The following RSRC2 variants were observed in gnomAD, a reference collection of about 807,000 sequenced individuals.
RSRC2 encodes the protein arginine/serine-rich coiled-coil protein 2.
In RSRC2, 5 loss-of-function variants were observed where a neutral mutation model predicts 61.3. That is an observed-to-expected ratio of 0.08 (90% CI 0.04 to 0.17). The LOEUF (loss-of-function observed/expected upper bound fraction) is 0.17. Among genes scored for constraint, RSRC2 ranks in the 10% least tolerant of loss-of-function variants. The probability of loss-of-function intolerance (pLI) is 1.00; values close to 1 mark genes in which losing one functional copy is unlikely to be tolerated. For missense variants in RSRC2, 381 were observed against 518.8 expected (o/e 0.73, Z 2.58); for synonymous variants, 202 against 166.5 (o/e 1.21, Z -1.64).
At chr12:122,511,045 T>C (rs1007010008) in intron 7 of RSRC2, 64 bp downstream of exon 7, 2 of 1,249,620 alleles carry the variant, frequency 1.6e-6, no homozygotes, top group Non-Finnish European at 2.2e-6. Context: ...CAAATCCCTG[T>C]GAAAAACAAA....
chr12:122,521,452 T>C (rs771602389), intron 2 of RSRC2, 24 bp from the exon 3 acceptor site: 3 of 1,603,348 alleles, frequency 1.9e-6, no homozygotes, highest in East Asian at 4.5e-5. Context: ...AAAAAAATAA[T>C]CACCATAAAC....
intron 6 of RSRC2, 62 bp downstream of exon 6, chr12:122,515,043 C>T: frequency 6.5e-7 from 1 of 1,539,540 alleles, no homozygotes; most frequent in Non-Finnish European, 8.9e-7. Context: ...TTCATCTTAT[C>T]CACACAATTG....
At chr12:122,521,964 T>G (rs1036691110) in intron 2 of RSRC2, among the ~76,000 whole-genome samples, 179 bp downstream of exon 2, 4 of 152,152 alleles carry the variant, frequency 2.6e-5, no homozygotes, top group South Asian at 2.1e-4. Flanking sequence ...GTGTGTCAAT[T>G]TTTGTATTTT....
At position 122,508,392 on chromosome 12, in the gene RSRC2, T is replaced by C; in HGVS notation, c.861A>G (p.Thr287=). 8 of 1,614,226 alleles carry C rather than the reference T, an allele frequency of 5.0e-6. No homozygotes were observed. Among genetic ancestry groups the C allele is most frequent in the Non-Finnish European group, 6.8e-6 (8 of 1,180,040 alleles). Residue 287 remains threonine, a synonymous_variant, in exon 8 of 10, where the codon ACA becomes ACG. Coordinates refer to ENST00000331738, the MANE Select transcript of RSRC2 (RefSeq NM_023012.6). ...LNVAALLASG[T]QVTPQIAMAA... The stretch of plus-strand genomic sequence containing the variant: ...CCATGGCTATCTGAGGTGTTACTTG[T>C]GTTCCTGATGCCAACAGGGCAGCAA...
intron 6 of RSRC2, among the ~76,000 whole-genome samples, chr12:122,512,894 A>G (rs1185592668): frequency 6.6e-6 from 1 of 152,188 alleles, no homozygotes; most frequent in Non-Finnish European, 1.5e-5. Flanking sequence ...AGCAGTAACA[A>G]TAAAATGTAG....
chr12:122,511,103 A>C lies in RSRC2; in HGVS notation c.805+6T>G, dbSNP rs78055105. 4,204 of 1,589,992 alleles carry C rather than the reference A, an allele frequency of 2.6e-3. 84 individuals carry two copies. Among genetic ancestry groups the C allele is most frequent in the East Asian group, 0.02 (900 of 44,758 alleles). On this transcript the variant is annotated splice_donor_region_variant and intron_variant, in intron 7 of 9. Coordinates refer to ENST00000331738, the MANE Select transcript of RSRC2 (RefSeq NM_023012.6). ...GAGATGACTAAAAAAGAATGAAAAA[A>C]ATTACCTGCAGCTATTTCTTGTTGT... is the stretch of plus-strand genomic sequence containing the variant.
At chr12:122,526,671 A>C (rs1002597569) in intron 1 of RSRC2, among the ~76,000 whole-genome samples, 177 bp downstream of exon 1, 1 of 151,992 alleles carries the variant, frequency 6.6e-6, no homozygotes, top group African/African-American at 2.4e-5. Flanking sequence ...ACCCCCACCA[A>C]CACCGCCTTA....
intron 7 of RSRC2, among the ~76,000 whole-genome samples, chr12:122,508,837 T>C (rs1958290425): frequency 6.6e-6 from 1 of 151,720 alleles, no homozygotes; most frequent in African/African-American, 2.4e-5. Flanking sequence ...ATGCCCGTAA[T>C]CTCAGCTACT....
chr12:122,520,180 T>C (rs1959176723), intron 3 of RSRC2: 1 of 206,102 alleles, frequency 4.9e-6, no homozygotes, highest in South Asian at 6.3e-5. Context: ...CCAATCATTT[T>C]GGAACATGCA....
In RSRC2 at chr12:122,516,640, G is replaced by T. The variant is rs139798851; in HGVS notation, c.602+587C>A. On this transcript the variant is annotated intron_variant, in intron 5 of 9. Transcript: ENST00000331738. The stretch of plus-strand genomic sequence containing the variant: ...AGCATATGGTAAGTATGCAAAAGGA[G>T]ATTTTAGTTATTTGTGATAATAAAA... Among the ~76,000 whole-genome samples the T allele has an allele frequency of 2.8e-3, 424 of 152,298 alleles. 2 individuals carry two copies. Among genetic ancestry groups the T allele is most frequent in the Admixed American group, 8.4e-3 (129 of 15,294 alleles).
At position 122,505,570 on chromosome 12, in the gene RSRC2, C is replaced by A; in HGVS notation, c.1262G>T (p.Gly421Val). 1 of 1,614,066 alleles carries A rather than the reference C, an allele frequency of 6.2e-7. No homozygotes were observed. The highest frequency in any genetic ancestry group is 8.5e-7 in the Non-Finnish European group (1 of 1,179,992). Residue 421 changes from glycine to valine, a missense_variant, in exon 10 of 10, where the codon GGT becomes GTT. Gly to Val is a moderately radical substitution (Grantham distance 109, BLOSUM62 -3). Around this residue, in one of 4 missense-constraint regions of RSRC2, gnomAD observed 78 missense variants for 183.0 expected, o/e 0.43. Coordinates refer to ENST00000331738, the MANE Select transcript of RSRC2 (RefSeq NM_023012.6). ...RSQTHTQRGM[G>V]LGFTSSMRGM... ...TCGCATTGAAGATGTGAAACCCAAA[C>A]CCATTCCTCTTTGTGTGTGGGTTTG...
chr12:122,507,180 CTAG>C, intron 8 of RSRC2: 1 of 455,196 alleles, frequency 2.2e-6, no homozygotes, highest in South Asian at 2.1e-5. Context: ...GGGATCGAGA[CTAG>C]CCTGGATGAC....
intron 1 of RSRC2, chr12:122,523,466 A>G (rs955449958): frequency 2.0e-5 from 3 of 152,264 alleles, no homozygotes; most frequent in Non-Finnish European, 4.4e-5. Flanking sequence ...AAGTGAGCTA[A>G]GATTGCGCCA....
At chr12:122,522,946 AT>A (rs1959444240) in intron 1 of RSRC2, 1 of 152,204 alleles carries the variant, frequency 6.6e-6, no homozygotes, top group African/African-American at 2.4e-5. Flanking sequence ...AAAGCATTTT[AT>A]AAGTAATTAT....
rs762180346 is a variant in RSRC2, at chr12:122,526,911, G to T, written c.-58C>A. 1.9e-6 allele frequency: 3 copies of T among 1,607,574 alleles called. No homozygotes were observed. Among genetic ancestry groups the T allele is most frequent in the Non-Finnish European group, 1.7e-6 (2 of 1,174,300 alleles). ...CCACTTGTCGCTTTCAACAGTACCG[G>T]CCGCTCCGAAGCTTCGCCTCAGACT... On this transcript the variant is annotated 5_prime_UTR_variant, in exon 1 of 10. Coordinates refer to ENST00000331738, the MANE Select transcript of RSRC2 (RefSeq NM_023012.6).
chr12:122,522,356 T>G, intron 1 of RSRC2, 57 bp from the exon 2 acceptor site: 4 of 1,467,930 alleles, frequency 2.7e-6, no homozygotes, highest in Non-Finnish European at 3.6e-6. Flanking sequence ...ATGTTTTCAA[T>G]TTCTTAAAAG....
intron 7 of RSRC2, among the ~76,000 whole-genome samples, chr12:122,510,614 GACC>G (rs907766825): frequency 9.2e-5 from 14 of 152,114 alleles, no homozygotes; most frequent in African/African-American, 2.9e-4. Flanking sequence ...TATCCACATG[GACC>G]ACATCAGAAA....
intron 3 of RSRC2, chr12:122,519,999 T>A (rs1959174310): frequency 6.5e-6 from 1 of 153,662 alleles, no homozygotes; most frequent in Non-Finnish European, 1.4e-5. Flanking sequence ...TTATTTTATG[T>A]ATAACTAAGA....
chr12:122,504,117 T>C lies in RSRC2; in HGVS notation c.*1410A>G, dbSNP rs143478391. 6.6e-6 allele frequency: 1 copy of C among 152,326 alleles called. No homozygotes were observed. Among genetic ancestry groups the C allele is most frequent in the African/African-American group, 2.4e-5 (1 of 41,570 alleles). 9.4% of individuals were successfully genotyped at this position (152,326 alleles called of 1,614,324 possible). On this transcript the variant is annotated 3_prime_UTR_variant, in exon 10 of 10. Transcript: ENST00000331738. ...ATAAAAAAAATACCTAATGAGCAAG[T>C]TGGCAAGACTTAATTCCAGCTTTTA... is the stretch of plus-strand genomic sequence containing the variant.
Sources: gnomAD v4.1 joint callset for allele counts (sites outside exome capture counted in the v4.1 genomes callset) on GRCh38, gnomAD v4.1.1 for gene constraint, gnomAD v4.1.1 regional missense constraint, MANE v1.5 for transcripts, NCBI Gene and HGNC (gene_info 2026-07-23, HGNC 2026-07-21) for gene names.